Variants in BAZ2B observed in about 807,000 individuals in gnomAD.
BAZ2B encodes the protein bromodomain adjacent to zinc finger domain 2B.
A neutral mutation model predicts 246.0 loss-of-function variants in BAZ2B; 91 were observed. That is an observed-to-expected ratio of 0.37 (90% CI 0.31 to 0.44). BAZ2B has a LOEUF of 0.44. Ranked by LOEUF, BAZ2B falls within the 20% of genes least tolerant of loss-of-function variation. BAZ2B has a pLI of 1.00. For synonymous variants in BAZ2B, 855 were observed against 860.0 expected, an observed-to-expected ratio of 0.99 and a Z score of 0.10; for missense variants, 2,332 against 2,533.7, an observed-to-expected ratio of 0.92 and a Z score of 1.71.
At chr2:159,557,597 A>G (rs772276005) in intron 1 of BAZ2B, among the ~76,000 whole-genome samples, 28 of 152,084 alleles carry the variant, frequency 1.8e-4, no homozygotes, top group African/African-American at 6.8e-4. Flanking sequence ...TCTCACTTCA[A>G]TCGGGTCTCA....
intron 5 of BAZ2B, among the ~76,000 whole-genome samples, chr2:159,447,912 C>T (rs944292141): frequency 6.6e-6 from 1 of 151,884 alleles, no homozygotes; most frequent in Non-Finnish European, 1.5e-5. Context: ...CAGAAGGTGG[C>T]CAGAAGTTTG....
intron 2 of BAZ2B, among the ~76,000 whole-genome samples, chr2:159,490,109 T>C (rs2080278907): frequency 6.6e-6 from 1 of 152,178 alleles, no homozygotes; most frequent in South Asian, 2.1e-4. Context: ...ATGACAAAAT[T>C]TCATAAATGC....
intron 13 of BAZ2B, among the ~76,000 whole-genome samples, chr2:159,420,260 CT>C (rs945909284): frequency 6.6e-6 from 1 of 152,164 alleles, no homozygotes; most frequent in Non-Finnish European, 1.5e-5. Flanking sequence ...ACAGAAAAAA[CT>C]GCCTGGCACA....
the BAZ2B span, among the ~76,000 whole-genome samples, chr2:159,692,395 T>C: frequency 6.6e-6 from 1 of 152,092 alleles, no homozygotes; most frequent in African/African-American, 2.4e-5. Context: ...TGACCTCAGG[T>C]GATCTGTCCA....
At position 159,471,161 on chromosome 2, in the gene BAZ2B, G is replaced by C. The variant is rs141394991; in HGVS notation, c.145+7414C>G. 1.5e-3 allele frequency among the ~76,000 whole-genome samples: 232 copies of C among 152,318 alleles called. 2 individuals are homozygous for C. Among genetic ancestry groups the C allele is most frequent in the African/African-American group, 5.4e-3 (224 of 41,582 alleles). Reference sequence around the variant, plus strand: ...GTCAAATTCTGCTGAGGTTGAATGAGATGAGGCTAGAAAGATGACACTGCT... The same window carrying C: ...GTCAAATTCTGCTGAGGTTGAATGACATGAGGCTAGAAAGATGACACTGCT... On this transcript the variant is annotated intron_variant, in intron 3 of 36. Transcript: ENST00000392783.
chr2:159,580,082 G>A (rs1420564533), intron 1 of BAZ2B, among the ~76,000 whole-genome samples: 1 of 152,194 alleles, frequency 6.6e-6, no homozygotes, highest in Non-Finnish European at 1.5e-5. Context: ...AATCAGGCAG[G>A]AGAAAGAAAT....
intron 2 of BAZ2B, among the ~76,000 whole-genome samples, chr2:159,550,872 G>A (rs929639229): frequency 2.0e-5 from 3 of 152,074 alleles, no homozygotes; most frequent in Non-Finnish European, 1.5e-5. Context: ...GTCTTCCTCT[G>A]TAGCCTAGGC....
the BAZ2B span, among the ~76,000 whole-genome samples, chr2:159,680,937 G>A: frequency 6.6e-6 from 1 of 152,142 alleles, no homozygotes. Context: ...CAGTGTAACA[G>A]CTCTGAAATG....
the BAZ2B span, among the ~76,000 whole-genome samples, chr2:159,666,083 G>C: frequency 6.6e-6 from 1 of 151,678 alleles, no homozygotes; most frequent in African/African-American, 2.4e-5. Flanking sequence ...TTATTGAGTT[G>C]TAAAAGTTCT....
Position 159,412,511 on chromosome 2 carries a change from A to G in BAZ2B, c.2501T>C (p.Val834Ala). 6.2e-7 allele frequency: 1 copy of G among 1,614,034 alleles called. No homozygotes were observed. The highest frequency in any genetic ancestry group is 1.3e-5 in the African/African-American group (1 of 75,052). Residue 834 changes from valine to alanine, a missense_variant, in exon 14 of 37, where the codon GTC becomes GCC. Physicochemically the swap from Val to Ala is moderately conservative, Grantham distance 64. Coordinates refer to ENST00000392783, the MANE Select transcript of BAZ2B (RefSeq NM_013450.4). ...MQWCLLKEEDVIPRIRAMEGR... is the reference protein window; with the variant it reads ...MQWCLLKEEDAIPRIRAMEGR... ...TTCCATTGCCCTGATACGAGGAATG[A>G]CATCCTCTTCTTTCAAAAGACACCA...
At chr2:159,533,868 G>T (rs2085634944) in intron 2 of BAZ2B, among the ~76,000 whole-genome samples, 1 of 152,102 alleles carries the variant, frequency 6.6e-6, no homozygotes, top group Admixed American at 6.6e-5. Flanking sequence ...GAATGTATGT[G>T]AAACAAAAAT....
chr2:159,320,382 C>A lies in BAZ2B; in HGVS notation c.6390G>T (p.Arg2130Ser). 1 of 1,578,518 alleles carries A rather than the reference C, an allele frequency of 6.3e-7. No individual in the cohort carries two copies. Among genetic ancestry groups the A allele is most frequent in the Non-Finnish European group, 8.5e-7 (1 of 1,169,804 alleles). Reference protein sequence around the residue: ...PNLETFALDVRLVFDNCETFN... With the variant: ...PNLETFALDVSLVFDNCETFN... Reference sequence around the variant, plus strand: ...ATGTTTCACAGTTGTCAAAAACAAGCCTGACATCTAGAGCAAAGGTTTCAA... The same window carrying A: ...ATGTTTCACAGTTGTCAAAAACAAGACTGACATCTAGAGCAAAGGTTTCAA... Residue 2130 changes from arginine (R) to serine (S), a missense_variant, in exon 37 of 37, where the codon AGG becomes AGT. Arg to Ser is a moderately radical substitution (Grantham distance 110). Transcript: ENST00000392783.
At chr2:159,501,163 TATAATATATATTATATATA>T (rs1559629037) in intron 2 of BAZ2B, among the ~76,000 whole-genome samples, 1 of 105,942 alleles carries the variant, frequency 9.4e-6, no homozygotes, top group African/African-American at 3.7e-5. Flanking sequence ...TATATAAATA[TATAATATATATTATATATA>T]TTTATATATA....
intron 2 of BAZ2B, among the ~76,000 whole-genome samples, chr2:159,508,122 T>C (rs952695648): frequency 2.0e-5 from 3 of 152,162 alleles, no homozygotes; most frequent in Non-Finnish European, 2.9e-5. Flanking sequence ...CTACCCGCCT[T>C]GGCCTCCCAA....
intron 2 of BAZ2B, among the ~76,000 whole-genome samples, chr2:159,535,115 T>TAACATATACAC (rs1559715885): frequency 0.03 from 4,607 of 152,102 alleles, 240 homozygotes; most frequent in African/African-American, 0.11. Context: ...ACTAAAGATA[T>TAACATATACAC]AATTAAATTG....
At chr2:159,590,415 C>A (rs963829160) in intron 1 of BAZ2B, among the ~76,000 whole-genome samples, 4 of 151,660 alleles carry the variant, frequency 2.6e-5, no homozygotes, top group Non-Finnish European at 5.9e-5. Context: ...CATGGTGAAA[C>A]CCTGTCTCTA....
intron 2 of BAZ2B, among the ~76,000 whole-genome samples, chr2:159,548,189 T>C (rs1467082005): frequency 6.6e-6 from 1 of 152,214 alleles, no homozygotes; most frequent in Non-Finnish European, 1.5e-5. Flanking sequence ...ATGTATTTTA[T>C]AACGTTACTG....
At chr2:159,419,293 G>A (rs1447514265) in intron 13 of BAZ2B, among the ~76,000 whole-genome samples, 6 of 152,024 alleles carry the variant, frequency 3.9e-5, no homozygotes, top group African/African-American at 1.2e-4. Flanking sequence ...AAAATTCTTC[G>A]GGAATGAGCA....
the BAZ2B span, chr2:159,694,774 G>A: frequency 6.6e-6 from 1 of 152,150 alleles, no homozygotes; most frequent in Non-Finnish European, 1.5e-5. Context: ...TGACTACTAT[G>A]ACATGAACAT....
Sources: gnomAD v4.1 joint callset for allele counts (sites outside exome capture counted in the v4.1 genomes callset) on GRCh38, gnomAD v4.1.1 for gene constraint, MANE v1.5 for transcripts, NCBI Gene and HGNC (gene_info 2026-07-23, HGNC 2026-07-21) for gene names.